The following MRPS6 variants were observed in gnomAD, a reference collection of about 807,000 sequenced individuals.
MRPS6 encodes small ribosomal subunit protein bS6m.
Under a neutral mutation model 13.1 loss-of-function variants are expected in MRPS6, and 6 were observed. The ratio of observed to expected loss-of-function variants is 0.46; its 90% CI spans 0.25 to 0.91. MRPS6 has a LOEUF of 0.91. MRPS6 is among the 40% of genes least tolerant of loss of function. The pLI is 0.18. For missense variants in MRPS6, 164 were observed against 155.6 expected, an observed-to-expected ratio of 1.05 and a Z score of -0.29; for synonymous variants, 61 against 56.5, an observed-to-expected ratio of 1.08 and a Z score of -0.36.
At chr21:34,104,339 TC>T in intron 1 of MRPS6, 1 of 1,000,104 alleles carries the variant, frequency 1.0e-6, no homozygotes, top group Non-Finnish European at 1.2e-6. Context: ...AAACGTATGT[TC>T]TTCTACTCAG....
At position 34,096,962 on chromosome 21, in the gene MRPS6, C is replaced by T. The variant is rs145773467; in HGVS notation, c.45+23217C>T. 228 of 1,614,036 alleles carry T rather than the reference C, an allele frequency of 1.4e-4. No individual in the cohort carries two copies. The African/African-American group carries it at 2.5e-3, about 18-fold the overall frequency. On this transcript the variant is annotated intron_variant, in intron 1 of 2. Coordinates refer to ENST00000399312, the MANE Select transcript of MRPS6 (RefSeq NM_032476.4). The surrounding 1 kb of genome is among the most constrained non-coding windows in gnomAD (Gnocchi z 5.9). ...AGACCATCAACCACATCATTCCCAA[C>T]GGGAAATCTGAAGACAGCATTAAGG...
At chr21:34,113,130 C>G (rs1272407214) in intron 1 of MRPS6, among the ~76,000 whole-genome samples, 1 of 152,122 alleles carries the variant, frequency 6.6e-6, no homozygotes, top group African/African-American at 2.4e-5. Flanking sequence ...CTGTTGCACA[C>G]CGTTGGTGGG....
At chr21:34,141,190 G>T (rs950485248) in intron 2 of MRPS6, among the ~76,000 whole-genome samples, 8 of 152,164 alleles carry the variant, frequency 5.3e-5, no homozygotes, top group African/African-American at 1.9e-4. Context: ...TCTCTATTCG[G>T]AGTGCTAGGG....
rs76263798 is a variant in MRPS6 at position 34,088,807 on chromosome 21, A to G, written c.45+15062A>G. 8.9e-3 allele frequency among the ~76,000 whole-genome samples: 1,354 copies of G among 152,314 alleles called. 8 individuals carry two copies. Among genetic ancestry groups the G allele is most frequent in the Non-Finnish European group, 0.012 (827 of 68,032 alleles). On this transcript the variant is annotated intron_variant, in intron 1 of 2. Transcript: ENST00000399312. ...TTATCTCATGATTGTTATAAGGATT[A>G]AAGTAATGCACATAAAACTAGACAC...
At chr21:34,083,077 T>C (rs1439314384) in intron 1 of MRPS6, among the ~76,000 whole-genome samples, 1 of 152,228 alleles carries the variant, frequency 6.6e-6, no homozygotes, top group Non-Finnish European at 1.5e-5. Flanking sequence ...TTTGTCTTTG[T>C]TTTGACTTGA....
In MRPS6 at chr21:34,073,639, C is replaced by G; in HGVS notation, c.-62C>G. 1.4e-6 allele frequency: 2 copies of G among 1,450,074 alleles called. No homozygotes were observed. The highest frequency in any genetic ancestry group is 1.9e-6 in the Non-Finnish European group (2 of 1,067,676). 89.8% of individuals were successfully genotyped at this position (1,450,074 alleles called of 1,614,324 possible). A position where few individuals can be genotyped will look rare whatever the true frequency, so the allele number is the denominator to read the frequency against. The stretch of plus-strand genomic sequence containing the variant: ...TCTAGGTCCCCACTGTCCCCGCCGT[C>G]CCGCCCCTTCGCGTCCCGGGAACCG... On this transcript the variant is annotated 5_prime_UTR_variant, in exon 1 of 3. Transcript: ENST00000399312.
intron 1 of MRPS6, chr21:34,105,002 T>C: frequency 1.0e-6 from 1 of 1,000,114 alleles, no homozygotes; most frequent in Non-Finnish European, 1.2e-6. Flanking sequence ...CTAATTTCAC[T>C]GTGAGATCTC....
chr21:34,111,814 T>C (rs1979709598), intron 1 of MRPS6, among the ~76,000 whole-genome samples: 1 of 151,970 alleles, frequency 6.6e-6, no homozygotes, highest in African/African-American at 2.4e-5. Context: ...CTGACTCTCT[T>C]TCCAGCTTTC....
At chr21:34,095,315 CT>C (rs1291462951) in intron 1 of MRPS6, 2 of 1,614,124 alleles carry the variant, frequency 1.2e-6, no homozygotes, top group Non-Finnish European at 1.7e-6. Context: ...TGAGTGGATA[CT>C]TCCTGGCGGG....
chr21:34,114,009 G>A (rs1271043324), intron 1 of MRPS6, among the ~76,000 whole-genome samples: 1 of 152,146 alleles, frequency 6.6e-6, no homozygotes, highest in Non-Finnish European at 1.5e-5. Flanking sequence ...ATGCCTACCT[G>A]ATTCCTGCTC....
chr21:34,081,312 G>A (rs1989453643), intron 1 of MRPS6, among the ~76,000 whole-genome samples: 1 of 152,080 alleles, frequency 6.6e-6, no homozygotes, highest in Admixed American at 6.6e-5. Flanking sequence ...CCAAGTGCTT[G>A]TCATGACCCC....
chr21:34,089,631 T>G (rs1978577904), intron 1 of MRPS6, among the ~76,000 whole-genome samples: 1 of 152,298 alleles, frequency 6.6e-6, no homozygotes, highest in South Asian at 2.1e-4. Context: ...AATGGTTTAC[T>G]TTGGAAATTA....
chr21:34,116,133 T>C (rs1979890439), intron 1 of MRPS6, among the ~76,000 whole-genome samples: 1 of 151,700 alleles, frequency 6.6e-6, no homozygotes, highest in African/African-American at 2.4e-5. Flanking sequence ...CTTAGCTTCC[T>C]GAGTAGCTGG....
Position 34,118,242 on chromosome 21 carries a change from C to T in MRPS6, c.46-7099C>T, listed in dbSNP as rs148826657. The stretch of plus-strand genomic sequence containing the variant: ...ACTTTGGACTCCCCAGAAACTTTAC[C>T]AATAGCCTACTGTTGACCTGGAAGC... On this transcript the variant is annotated intron_variant, in intron 1 of 2. Transcript: ENST00000399312. 3.2e-3 allele frequency among the ~76,000 whole-genome samples: 480 copies of T among 152,086 alleles called. 3 individuals are homozygous for T. Among genetic ancestry groups the T allele is most frequent in the African/African-American group, 0.011 (448 of 41,472 alleles).
intron 1 of MRPS6, among the ~76,000 whole-genome samples, chr21:34,075,701 A>G (rs944342800): frequency 6.6e-6 from 1 of 152,222 alleles, no homozygotes; most frequent in Non-Finnish European, 1.5e-5. Context: ...ATAAAGTAAT[A>G]TTAAACAATA....
intron 1 of MRPS6, among the ~76,000 whole-genome samples, chr21:34,109,310 G>T (rs1436940167): frequency 6.6e-6 from 1 of 152,122 alleles, no homozygotes; most frequent in Non-Finnish European, 1.5e-5. Flanking sequence ...GGTGGAGCAC[G>T]CTGGCATCAC....
chr21:34,088,231 T>C (rs1161460339), intron 1 of MRPS6, among the ~76,000 whole-genome samples: 1 of 186 alleles, frequency 5.4e-3, no homozygotes, highest in East Asian at 0.17. Flanking sequence ...GGGTCAAGTA[T>C]AGAATACACT....
chr21:34,083,972 T>G (rs1160703032), intron 1 of MRPS6, among the ~76,000 whole-genome samples: 2 of 152,212 alleles, frequency 1.3e-5, no homozygotes, highest in Non-Finnish European at 2.9e-5. Context: ...TCCCTCTACT[T>G]GTCCTGTGTT....
rs552390718 is a variant in MRPS6 at position 34,074,838 on chromosome 21, C to G, written c.45+1093C>G. 3.3e-4 allele frequency among the ~76,000 whole-genome samples: 50 copies of G among 152,328 alleles called. No individual in the cohort carries two copies. The South Asian group carries it at 0.01, about 31-fold the overall frequency. ...ATTACCAAGTTTGGTTGAACTTAAG[C>G]TCAATTGATAAACTAACAATCACGG... On this transcript the variant is annotated intron_variant, in intron 1 of 2. Coordinates refer to ENST00000399312, the MANE Select transcript of MRPS6 (RefSeq NM_032476.4).
Sources: allele counts gnomAD v4.1 joint callset (sites outside exome capture counted in the v4.1 genomes callset), GRCh38; gene constraint gnomAD v4.1.1; non-coding constraint Gnocchi (gnomAD v3.1); transcripts MANE v1.5; gene names NCBI Gene and HGNC (gene_info 2026-07-23, HGNC 2026-07-21).